Variants in TKFC observed in about 807,000 individuals in gnomAD.
The protein encoded by TKFC is triokinase/FMN cyclase.
TKFC carries 46 observed loss-of-function variants against 61.0 expected under a neutral mutation model. That is an observed-to-expected ratio of 0.75 (90% CI 0.60 to 0.96). The LOEUF is 0.96. TKFC is among the 50% of genes least tolerant of loss of function. The probability of loss-of-function intolerance (pLI) is 0.00; values close to 1 mark genes in which losing one functional copy is unlikely to be tolerated. For synonymous variants in TKFC, 314 were observed against 330.1 expected (o/e 0.95, Z 0.53); for missense variants, 715 against 777.5 (o/e 0.92, Z 0.96).
Position 61,334,415 on chromosome 11 carries a change from A to G in TKFC, c.-109-205A>G, listed in dbSNP as rs535879164. 4.7e-5 allele frequency: 17 copies of G among 360,428 alleles called. 1 individual carries two copies. The South Asian group carries it at 5.3e-4, about 11-fold the overall frequency. 22.3% of individuals were successfully genotyped at this position (360,428 alleles called of 1,614,324 possible). ...ACATAAAGGCAGACCTGTGCTTGAC[A>G]TGGATTGATCTGTCTTCTGGCAGTG... is the stretch of plus-strand genomic sequence containing the variant. On this transcript the variant is annotated intron_variant, in intron 1 of 17. Coordinates refer to ENST00000394900, the MANE Select transcript of TKFC (RefSeq NM_015533.4).
downstream of TKFC, chr11:61,352,773 C>T (rs1248676615): frequency 1.4e-6 from 2 of 1,406,576 alleles, no homozygotes; most frequent in African/African-American, 1.4e-5. Flanking sequence ...TGACACACAG[C>T]AGGTGCTAAA....
intron 1 of TKFC, chr11:61,333,818 C>CCA (rs1856489343): frequency 6.6e-6 from 1 of 152,378 alleles, no homozygotes; most frequent in East Asian, 1.9e-4. Flanking sequence ...AAGAGGAATA[C>CCA]CACGTGGCTT....
Position 61,347,357 on chromosome 11 carries a change from C to A in TKFC, c.*854C>A. ...AGGAGTTCAAGACCAGTCTGGGCAACATGGTAAAACCCTGTCTCTACCAAA... is the reference window on the plus strand; with the variant it reads ...AGGAGTTCAAGACCAGTCTGGGCAAAATGGTAAAACCCTGTCTCTACCAAA... On this transcript the variant is annotated 3_prime_UTR_variant, in exon 18 of 18. Transcript: ENST00000394900. The A allele has an allele frequency of 1.1e-6, 1 of 893,928 alleles. No homozygotes were observed. The highest frequency in any genetic ancestry group is 1.3e-6 in the Non-Finnish European group (1 of 746,656). The allele number at this position is 893,928 out of a possible 1,614,324, so 55.4% of individuals were successfully genotyped here. A position where few individuals can be genotyped will look rare whatever the true frequency, so the allele number is the denominator to read the frequency against.
In TKFC at chr11:61,345,341, A is replaced by T. The variant is rs1408922254; in HGVS notation, c.1322A>T (p.Glu441Val). 2 of 1,604,058 alleles carry T rather than the reference A, an allele frequency of 1.2e-6. No individual in the cohort carries two copies. The highest frequency in any genetic ancestry group is 2.7e-5 in the African/African-American group (2 of 74,800). Residue 441 changes from glutamate to valine, a missense_variant, in exon 14 of 18, where the codon GAG (glutamate) becomes GTG (valine). By Grantham distance (121) the Glu-to-Val change is moderately radical. Transcript: ENST00000394900. ...TCCAAGTTGTCTGTCCTGCTCCTGG[A>T]GAAGATGGGAGGCTCATCTGGGGCG... ...LLSKLSVLLL[E>V]KMGGSSGALY...
downstream of TKFC, chr11:61,349,517 T>C: frequency 1.4e-6 from 1 of 702,708 alleles, no homozygotes; most frequent in Admixed American, 2.0e-5. Flanking sequence ...TCATCGCTAC[T>C]GGGACATCTG....
At chr11:61,338,934 G>C (rs535539699) in intron 3 of TKFC, 132 bp from the exon 4 acceptor site, 1 of 732,388 alleles carries the variant, frequency 1.4e-6, no homozygotes, top group African/African-American at 1.8e-5. Context: ...GCCATGTGAA[G>C]ACCTGGGGGA....
chr11:61,339,097 C>T lies in TKFC; in HGVS notation c.225C>T (p.Val75=). The T allele has an allele frequency of 6.2e-7, 1 of 1,613,594 alleles. No individual in the cohort carries two copies. The highest frequency in any genetic ancestry group is 8.5e-7 in the Non-Finnish European group (1 of 1,179,940). The part of the protein sequence containing the change: ...GFIGKGMLTG[V]IAGAVFTSPA... ...TAGGGAAGGGGATGCTGACTGGGGT[C>T]ATCGCGGGAGCTGTGTTCACCTCCC... Residue 75 remains valine (V), a synonymous_variant, in exon 4 of 18, where the codon GTC becomes GTT. Coordinates refer to ENST00000394900, the MANE Select transcript of TKFC (RefSeq NM_015533.4).
Position 61,345,585 on chromosome 11 carries a change from A to C in TKFC, c.1451+20A>C. The stretch of plus-strand genomic sequence containing the variant: ...GCAGAAGTGAGCCAGAGCCCTGTGC[A>C]TCAGACCAGGGGTGGGCTGGGGGAG... On this transcript the variant is annotated intron_variant, in intron 15 of 17. Coordinates refer to ENST00000394900, the MANE Select transcript of TKFC (RefSeq NM_015533.4). 1 of 1,612,258 alleles carries C rather than the reference A, an allele frequency of 6.2e-7. No individual in the cohort carries two copies. The highest frequency in any genetic ancestry group is 8.5e-7 in the Non-Finnish European group (1 of 1,179,534).
Position 61,347,673 on chromosome 11 carries a change from CAT to C in TKFC, c.*1171_*1172del. 1 of 985,380 alleles carries C rather than the reference CAT, an allele frequency of 1.0e-6. No homozygotes were observed. The highest frequency in any genetic ancestry group is 1.2e-6 in the Non-Finnish European group (1 of 829,952). The allele number at this position is 985,380 out of a possible 1,614,324, so 61.0% of individuals were successfully genotyped here. On this transcript the variant is annotated 3_prime_UTR_variant, in exon 18 of 18. Coordinates refer to ENST00000394900, the MANE Select transcript of TKFC (RefSeq NM_015533.4). ...AGACAAACAGCACATGCCTGGCACA[CAT>C]GTAGGGTAGGGAGTGGTTAAAGGCA... is the stretch of plus-strand genomic sequence containing the variant.
Position 61,339,455 on chromosome 11 carries a change from G to C in TKFC, c.486+20G>C. ...CACAAGGTGGGCTTCCACCGGGGAC[G>C]TGGAGACTGGCCAGCCCTTTCCAGC... On this transcript the variant is annotated intron_variant, in intron 5 of 17. Coordinates refer to ENST00000394900, the MANE Select transcript of TKFC (RefSeq NM_015533.4). 1 of 1,590,876 alleles carries C rather than the reference G, an allele frequency of 6.3e-7. No individual in the cohort carries two copies. The highest frequency in any genetic ancestry group is 8.6e-7 in the Non-Finnish European group (1 of 1,167,362).
intron 5 of TKFC, among the ~76,000 whole-genome samples, chr11:61,340,681 G>A (rs1313053317): frequency 5.9e-5 from 9 of 151,308 alleles, no homozygotes; most frequent in Admixed American, 2.0e-4. Context: ...GTCTCTTCAC[G>A]CCAGCTCCTG....
At chr11:61,352,909 G>A (rs1270969524), downstream of TKFC, 1 of 1,611,204 alleles carries the variant, frequency 6.2e-7, no homozygotes, top group Non-Finnish European at 8.5e-7. Context: ...GGTGAGTCCT[G>A]TGATCACAGG....
intron 3 of TKFC, among the ~76,000 whole-genome samples, 156 bp from the exon 4 acceptor site, chr11:61,338,910 C>G (rs1856728884): frequency 6.6e-6 from 1 of 152,138 alleles, no homozygotes; most frequent in South Asian, 2.1e-4. Context: ...AAGATGCCTC[C>G]TAAGAAGGAG....
At chr11:61,349,606 G>C (rs1201456835), downstream of TKFC, 4 of 702,888 alleles carry the variant, frequency 5.7e-6, no homozygotes, top group East Asian at 1.1e-4. Flanking sequence ...GTAAGTCACA[G>C]GGAAAGGCCG....
Position 61,347,960 on chromosome 11 carries a change from C to G in TKFC, c.*1457C>G, listed in dbSNP as rs965348852. 38 of 985,258 alleles carry G rather than the reference C, an allele frequency of 3.9e-5. No homozygotes were observed. Among genetic ancestry groups the G allele is most frequent in the Non-Finnish European group, 4.3e-5 (36 of 829,928 alleles). The allele number at this position is 985,258 out of a possible 1,614,324, so 61.0% of individuals were successfully genotyped here. On this transcript the variant is annotated 3_prime_UTR_variant, in exon 18 of 18. Transcript: ENST00000394900. The stretch of plus-strand genomic sequence containing the variant: ...CCCAGGTCATCTGCTCTACCACTAG[C>G]TGGTAGGAAAGAGCCTCCTGCCCTC...
In TKFC at chr11:61,337,839, G is replaced by A. The variant is rs1856673409; in HGVS notation, c.4-102G>A. Reference sequence around the variant, plus strand: ...AGTCCTGTGCTCCTGGAGTTCCTAGGTGGATGCGGGAGAGGGGTCTACACC... The same window carrying A: ...AGTCCTGTGCTCCTGGAGTTCCTAGATGGATGCGGGAGAGGGGTCTACACC... On this transcript the variant is annotated intron_variant, in intron 2 of 17. Coordinates refer to ENST00000394900, the MANE Select transcript of TKFC (RefSeq NM_015533.4). 6.1e-6 allele frequency: 7 copies of A among 1,152,932 alleles called. No homozygotes were observed. The South Asian group carries it at 1.0e-4, about 17-fold the overall frequency. 71.4% of individuals were successfully genotyped at this position (1,152,932 alleles called of 1,614,324 possible). A position where few individuals can be genotyped will look rare whatever the true frequency, so the allele number is the denominator to read the frequency against.
At chr11:61,339,662 C>T (rs1049617769) in intron 5 of TKFC, 14 of 558,590 alleles carry the variant, frequency 2.5e-5, no homozygotes, top group Non-Finnish European at 3.5e-5. Flanking sequence ...ATCAGTTGCC[C>T]GGTCCTGGTG....
In TKFC at chr11:61,346,067, T is replaced by C; in HGVS notation, c.1575+121T>C. The C allele has an allele frequency of 1.7e-6, 2 of 1,170,500 alleles. No individual in the cohort carries two copies. Among genetic ancestry groups the C allele is most frequent in the South Asian group, 2.9e-5 (2 of 68,572 alleles). The allele number at this position is 1,170,500 out of a possible 1,614,324, so 72.5% of individuals were successfully genotyped here. A position where few individuals can be genotyped will look rare whatever the true frequency, so the allele number is the denominator to read the frequency against. ...GACCGCAGTTTCCTTCTCTGTACAATGGAGATGAGCACCTATCTCAGAAGG... is the reference window on the plus strand; with the variant it reads ...GACCGCAGTTTCCTTCTCTGTACAACGGAGATGAGCACCTATCTCAGAAGG... On this transcript the variant is annotated intron_variant, in intron 17 of 17. Transcript: ENST00000394900. The surrounding 1 kb of genome is among the most constrained non-coding windows in gnomAD (Gnocchi z 4.1).
intron 6 of TKFC, 136 bp from the exon 7 acceptor site, chr11:61,341,687 T>A: frequency 8.1e-7 from 1 of 1,233,248 alleles, no homozygotes; most frequent in Non-Finnish European, 1.2e-6. Context: ...GTACCATGGC[T>A]GAGGTGGAGA....
Sources: gnomAD v4.1 joint callset for allele counts (sites outside exome capture counted in the v4.1 genomes callset) on GRCh38, gnomAD v4.1.1 for gene constraint, Gnocchi (gnomAD v3.1) non-coding constraint, MANE v1.5 for transcripts, NCBI Gene and HGNC (gene_info 2026-07-23, HGNC 2026-07-21) for gene names.